The following PDE10A variants were observed in gnomAD, a reference collection of about 807,000 sequenced individuals.
The protein encoded by PDE10A is phosphodiesterase 10A, also known as cAMP and cAMP-inhibited cGMP 3',5'-cyclic phosphodiesterase 10A.
In PDE10A, 39 loss-of-function variants were observed where a neutral mutation model predicts 97.7. That is an observed-to-expected ratio of 0.40 (90% CI 0.31 to 0.52). The LOEUF (loss-of-function observed/expected upper bound fraction) is 0.52. Ranked by LOEUF, PDE10A falls within the 20% of genes least tolerant of loss-of-function variation. The pLI is 0.56. For synonymous variants in PDE10A, 371 were observed against 376.8 expected (o/e 0.98, Z 0.18); for missense variants, 731 against 1,047.8 (o/e 0.70, Z 4.17).
At chr6:165,806,243 G>A (rs1779135729) in intron 1 of PDE10A, among the ~76,000 whole-genome samples, 1 of 152,026 alleles carries the variant, frequency 6.6e-6, no homozygotes, top group South Asian at 2.1e-4. Context: ...CATCTTGGGT[G>A]TGTAAATATG....
At chr6:165,812,571 G>A (rs529671189) in intron 1 of PDE10A, among the ~76,000 whole-genome samples, 1 of 152,220 alleles carries the variant, frequency 6.6e-6, no homozygotes, top group Non-Finnish European at 1.5e-5. Flanking sequence ...AGAATGGGTA[G>A]TGACTTTCTC....
chr6:165,575,370 C>G (rs1347937776), intron 1 of PDE10A, among the ~76,000 whole-genome samples: 2 of 152,212 alleles, frequency 1.3e-5, no homozygotes, highest in South Asian at 2.1e-4. Context: ...CATGATCACC[C>G]TGACACGTGA....
At chr6:165,487,272 G>C (rs987414950) in intron 2 of PDE10A, among the ~76,000 whole-genome samples, 1 of 152,122 alleles carries the variant, frequency 6.6e-6, no homozygotes, top group East Asian at 1.9e-4. Flanking sequence ...TGTGAAGCAG[G>C]GTTTTCTGCA....
At chr6:165,656,268 A>T (rs903815411) in intron 1 of PDE10A, among the ~76,000 whole-genome samples, 1,179 of 78,584 alleles carry the variant, frequency 0.015, 15 homozygotes, top group African/African-American at 0.035. Flanking sequence ...TCACACACAC[A>T]CACACACACA....
intron 13 of PDE10A, among the ~76,000 whole-genome samples, chr6:165,405,682 G>T (rs1172305607): frequency 1.3e-5 from 2 of 152,192 alleles, no homozygotes; most frequent in African/African-American, 2.4e-5. Context: ...ATGTTGGAAA[G>T]TAATAGATCA....
intron 1 of PDE10A, among the ~76,000 whole-genome samples, chr6:165,811,041 T>C (rs1376370645): frequency 3.3e-5 from 5 of 152,140 alleles, no homozygotes; most frequent in African/African-American, 1.2e-4. Context: ...CTGGCCAACA[T>C]GGTGAAACCC....
chr6:165,966,498 C>T (rs551533656), intron 1 of PDE10A, among the ~76,000 whole-genome samples: 18 of 152,316 alleles, frequency 1.2e-4, no homozygotes, highest in African/African-American at 3.8e-4. Context: ...TTCCAGGCCT[C>T]GCAGCCCAGC....
intron 1 of PDE10A, among the ~76,000 whole-genome samples, chr6:165,958,498 CAAGAAAGAAAGAAAGAAAGA>C (rs1379022208): frequency 1.7e-5 from 1 of 57,718 alleles, no homozygotes. Flanking sequence ...GAGAGAAAGA[CAAGAAAGAAAGAAAGAAAGA>C]AAGAAAGAAA....
chr6:165,514,590 A>G (rs1235613491), intron 2 of PDE10A, among the ~76,000 whole-genome samples: 1 of 152,174 alleles, frequency 6.6e-6, no homozygotes, highest in African/African-American at 2.4e-5. Context: ...GGTTTACCCC[A>G]ATCTTGAATG....
intron 17 of PDE10A, among the ~76,000 whole-genome samples, chr6:165,379,674 T>C (rs974371929): frequency 6.6e-6 from 1 of 152,156 alleles, no homozygotes; most frequent in African/African-American, 2.4e-5. Context: ...TTTCTAATAG[T>C]TTAAAAAAAC....
At position 165,335,868 on chromosome 6, in the gene PDE10A, C is replaced by T. The variant is rs146086971; in HGVS notation, c.3065+255G>A. Among the ~76,000 whole-genome samples, 51 of 152,184 alleles carry T rather than the reference C, an allele frequency of 3.4e-4. No individual in the cohort carries two copies. In the East Asian group the frequency reaches 5.4e-3, roughly 16 times the overall value. ...CCCCCAGCCTGTTCCCACTGTCCCT[C>T]TCTTCAGAGTGTGGCCAGAAGAAGC... is the stretch of plus-strand genomic sequence containing the variant. On this transcript the variant is annotated intron_variant, in intron 21 of 21. Transcript: ENST00000539869.
intron 1 of PDE10A, among the ~76,000 whole-genome samples, chr6:165,785,118 G>A (rs1778459020): frequency 6.6e-6 from 1 of 152,212 alleles, no homozygotes; most frequent in Non-Finnish European, 1.5e-5. Context: ...CCTTTTACAA[G>A]TCACAGGGCA....
At chr6:165,957,029 G>A (rs548573081) in intron 1 of PDE10A, among the ~76,000 whole-genome samples, 34 of 152,308 alleles carry the variant, frequency 2.2e-4, no homozygotes, top group Non-Finnish European at 2.6e-4. Flanking sequence ...AGGCTTCAGG[G>A]GAGGAGCATT....
chr6:165,482,457 T>C (rs536533604), intron 2 of PDE10A, 114 bp from the exon 3 acceptor site: 3 of 766,542 alleles, frequency 3.9e-6, no homozygotes, highest in African/African-American at 1.7e-5. Context: ...CAATGCTTCC[T>C]CTTACGAAAT....
intron 1 of PDE10A, among the ~76,000 whole-genome samples, chr6:165,800,770 A>G (rs1778962483): frequency 6.6e-6 from 1 of 152,218 alleles, no homozygotes; most frequent in Non-Finnish European, 1.5e-5. Context: ...TAGAGCATGG[A>G]AATGGTTAGT....
At chr6:165,851,656 T>A (rs1562767889) in intron 1 of PDE10A, among the ~76,000 whole-genome samples, 2 of 152,140 alleles carry the variant, frequency 1.3e-5, no homozygotes, top group Non-Finnish European at 2.9e-5. Flanking sequence ...GAGATTTGAG[T>A]TAGTTCTTGC....
At chr6:165,635,537 A>C (rs1788834645) in intron 1 of PDE10A, among the ~76,000 whole-genome samples, 1 of 152,190 alleles carries the variant, frequency 6.6e-6, no homozygotes, top group Non-Finnish European at 1.5e-5. Flanking sequence ...ATTTGGAATT[A>C]CGCTATCCAA....
intron 1 of PDE10A, among the ~76,000 whole-genome samples, chr6:165,600,474 T>C (rs2983528): frequency 0.09 from 13,672 of 152,304 alleles, 688 homozygotes; most frequent in African/African-American, 0.12. Context: ...TGTGTGGCTG[T>C]GCACGCACAT....
chr6:165,825,633 G>C (rs574369189), intron 1 of PDE10A, among the ~76,000 whole-genome samples: 1 of 152,232 alleles, frequency 6.6e-6, no homozygotes, highest in South Asian at 2.1e-4. Flanking sequence ...AAGTTGGACG[G>C]AGGCCCTGGG....
Sources: allele counts gnomAD v4.1 joint callset (sites outside exome capture counted in the v4.1 genomes callset), GRCh38; gene constraint gnomAD v4.1.1; transcripts MANE v1.5; gene names NCBI Gene and HGNC (gene_info 2026-07-23, HGNC 2026-07-21).